Variants in EPB41L4A observed in about 807,000 individuals in gnomAD.
The protein encoded by EPB41L4A is erythrocyte membrane protein band 4.1 like 4A.
A neutral mutation model predicts 108.6 loss-of-function variants in EPB41L4A; 100 were observed. The observed-to-expected ratio is 0.92, with a 90% confidence interval of 0.78 to 1.09. The LOEUF (loss-of-function observed/expected upper bound fraction) is 1.09. Among genes scored for constraint, EPB41L4A ranks in the 50% least tolerant of loss-of-function variants. EPB41L4A has a pLI of 0.00. For missense variants in EPB41L4A, 1,030 were observed against 842.7 expected, an observed-to-expected ratio of 1.22 and a Z score of -2.75; for synonymous variants, 319 against 289.0, an observed-to-expected ratio of 1.10 and a Z score of -1.05.
chr5:112,393,541 G>A (rs1761102531), intron 1 of EPB41L4A, among the ~76,000 whole-genome samples: 1 of 152,114 alleles, frequency 6.6e-6, no homozygotes, highest in African/African-American at 2.4e-5. Context: ...ATGAAACCAG[G>A]AAGAAGTTGA....
chr5:112,276,342 T>C (rs942597596), intron 3 of EPB41L4A, among the ~76,000 whole-genome samples: 1 of 152,194 alleles, frequency 6.6e-6, no homozygotes, highest in Non-Finnish European at 1.5e-5. Flanking sequence ...TAAACACTCA[T>C]ATTGTGCAAG....
intron 1 of EPB41L4A, among the ~76,000 whole-genome samples, chr5:112,394,762 A>C (rs1580822612): frequency 1.3e-5 from 2 of 152,316 alleles, no homozygotes; most frequent in South Asian, 2.1e-4. Context: ...TATGGAACCA[A>C]AAAAGAGCCC....
chr5:112,312,105 T>G (rs1418286006), intron 1 of EPB41L4A, among the ~76,000 whole-genome samples: 1 of 152,206 alleles, frequency 6.6e-6, no homozygotes, highest in African/African-American at 2.4e-5. Context: ...GTTAGGGTTT[T>G]CAAATAAAGA....
At position 112,163,486 on chromosome 5, in the gene EPB41L4A, A is replaced by AGGGGG. The variant is rs1760042389; in HGVS notation, c.*1503_*1504insCCCCC. On this transcript the variant is annotated 3_prime_UTR_variant, in exon 23 of 23. Coordinates refer to ENST00000261486, the MANE Select transcript of EPB41L4A (RefSeq NM_022140.5). The stretch of plus-strand genomic sequence containing the variant: ...GAAGTTTGAGAAACTCCACTAATTA[A>AGGGGG]TGGCAAGGTAAAGCATGATAAGCCA... The AGGGGG allele has an allele frequency of 2.0e-5, 3 of 152,344 alleles. No homozygotes were observed. Among genetic ancestry groups the AGGGGG allele is most frequent in the African/African-American group, 7.2e-5 (3 of 41,578 alleles). 9.4% of individuals were successfully genotyped at this position (152,344 alleles called of 1,614,324 possible). A position where few individuals can be genotyped will look rare whatever the true frequency, so the allele number is the denominator to read the frequency against.
intron 2 of EPB41L4A, among the ~76,000 whole-genome samples, chr5:112,297,466 A>C (rs1425035087): frequency 6.6e-6 from 1 of 151,814 alleles, no homozygotes; most frequent in Non-Finnish European, 1.5e-5. Flanking sequence ...TCATGTCCTT[A>C]GTCTACTTTT....
intron 15 of EPB41L4A, among the ~76,000 whole-genome samples, chr5:112,197,841 T>C (rs910928015): frequency 6.6e-6 from 1 of 152,204 alleles, no homozygotes; most frequent in Admixed American, 6.5e-5. Flanking sequence ...GTGTATCTTT[T>C]AGTTGCTAAC....
At chr5:112,300,036 C>T (rs1330141201) in intron 2 of EPB41L4A, among the ~76,000 whole-genome samples, 1 of 151,904 alleles carries the variant, frequency 6.6e-6, no homozygotes, top group Non-Finnish European at 1.5e-5. Context: ...TATGTGAGTC[C>T]TTATATGTTA....
chr5:112,271,698 A>T (rs1580578931), intron 4 of EPB41L4A, among the ~76,000 whole-genome samples: 1 of 152,370 alleles, frequency 6.6e-6, no homozygotes, highest in East Asian at 1.9e-4. Flanking sequence ...AACTGAAAAT[A>T]AGTTTAACAG....
At chr5:112,266,903 T>C (rs80293595) in intron 4 of EPB41L4A, among the ~76,000 whole-genome samples, 310 of 152,312 alleles carry the variant, frequency 2.0e-3, no homozygotes, top group African/African-American at 7.3e-3. Context: ...AATTTATGTA[T>C]AACAACTTAG....
At chr5:112,308,164 T>A (rs926670154) in intron 1 of EPB41L4A, among the ~76,000 whole-genome samples, 1 of 152,194 alleles carries the variant, frequency 6.6e-6, no homozygotes, top group South Asian at 2.1e-4. Context: ...AAGATTCTTA[T>A]CATCTGACAT....
At chr5:112,318,254 G>GA (rs1182647389) in intron 1 of EPB41L4A, among the ~76,000 whole-genome samples, 4 of 151,798 alleles carry the variant, frequency 2.6e-5, no homozygotes, top group Admixed American at 6.6e-5. Context: ...AAAACCAAAA[G>GA]AAAAAAACAA....
At position 112,225,784 on chromosome 5, in the gene EPB41L4A, G is replaced by C. The variant is rs752681762; in HGVS notation, c.1087+8850C>G. 4.1e-4 allele frequency among the ~76,000 whole-genome samples: 63 copies of C among 152,040 alleles called. 1 individual carries two copies. Among genetic ancestry groups the C allele is most frequent in the Non-Finnish European group, 7.6e-4 (52 of 68,014 alleles). ...TATACCATATCCTGGAGATCATTTC[G>C]TATCTGTACATACAAATGTAACACA... On this transcript the variant is annotated intron_variant, in intron 12 of 22. Transcript: ENST00000261486.
At chr5:112,335,178 C>T (rs1756836734) in intron 1 of EPB41L4A, among the ~76,000 whole-genome samples, 1 of 152,066 alleles carries the variant, frequency 6.6e-6, no homozygotes, top group Admixed American at 6.6e-5. Context: ...TACAGGAGGG[C>T]AGGGGAGAGA....
intron 1 of EPB41L4A, among the ~76,000 whole-genome samples, chr5:112,407,544 G>A (rs904099197): frequency 3.9e-5 from 6 of 152,168 alleles, no homozygotes; most frequent in African/African-American, 1.4e-4. Context: ...TGCTAAATAT[G>A]TTTCAAGATA....
chr5:112,280,307 G>T lies in EPB41L4A; in HGVS notation c.221C>A (p.Ala74Glu), dbSNP rs1752885680. ...TTCTTTGTGTTCAGCAAGGGTTTTTGCAGGATCCAGCCAATACTGTGTGAG... is the reference window on the plus strand; with the variant it reads ...TTCTTTGTGTTCAGCAAGGGTTTTTTCAGGATCCAGCCAATACTGTGTGAG... ...RSHQTYWLDP[A>E]KTLAEHKELI... is the part of the protein sequence containing the mutation. Residue 74 changes from alanine (A) to glutamate (E), a missense_variant, in exon 3 of 23, where the codon GCA (alanine) becomes GAA (glutamate). Transcript: ENST00000261486. 1 of 1,613,942 alleles carries T rather than the reference G, an allele frequency of 6.2e-7. No individual in the cohort carries two copies. The highest frequency in any genetic ancestry group is 2.2e-5 in the East Asian group (1 of 44,866).
intron 14 of EPB41L4A, 170 bp from the exon 15 acceptor site, chr5:112,204,658 C>A: frequency 2.1e-6 from 1 of 474,598 alleles, no homozygotes; most frequent in Admixed American, 3.2e-5. Context: ...GAGGTAAGAT[C>A]TGGCAAATCA....
intron 1 of EPB41L4A, among the ~76,000 whole-genome samples, chr5:112,358,190 C>A (rs1020776652): frequency 7.9e-5 from 12 of 152,202 alleles, no homozygotes; most frequent in Non-Finnish European, 1.6e-4. Context: ...ATATTGGATC[C>A]TTTCCATCAA....
intron 18 of EPB41L4A, among the ~76,000 whole-genome samples, chr5:112,178,550 A>G (rs1760987926): frequency 6.6e-6 from 1 of 152,112 alleles, no homozygotes; most frequent in South Asian, 2.1e-4. Flanking sequence ...ACAAGTCTCA[A>G]TAAATTTCAA....
At chr5:112,380,348 T>C (rs1760088982) in intron 1 of EPB41L4A, among the ~76,000 whole-genome samples, 1 of 152,234 alleles carries the variant, frequency 6.6e-6, no homozygotes, top group Non-Finnish European at 1.5e-5. Flanking sequence ...TTAAAATGTT[T>C]TTCATTAAAA....
Sources: gnomAD v4.1 joint callset for allele counts (sites outside exome capture counted in the v4.1 genomes callset) on GRCh38, gnomAD v4.1.1 for gene constraint, MANE v1.5 for transcripts, NCBI Gene and HGNC (gene_info 2026-07-23, HGNC 2026-07-21) for gene names.